The following UBR4 variants were observed in gnomAD, a reference collection of about 807,000 sequenced individuals.
The protein encoded by UBR4 is ubiquitin protein ligase E3 component n-recognin 4.
In UBR4, 124 loss-of-function variants were observed where a neutral mutation model predicts 575.6. The ratio of observed to expected loss-of-function variants is 0.22; its 90% confidence interval spans 0.19 to 0.25. The LOEUF (loss-of-function observed/expected upper bound fraction) is 0.25. UBR4 is among the 10% of genes least tolerant of loss of function. The pLI is 1.00. For synonymous variants in UBR4, 2,455 were observed against 2,473.7 expected, an observed-to-expected ratio of 0.99 and a Z score of 0.22; for missense variants, 4,818 against 6,478.8, an observed-to-expected ratio of 0.74 and a Z score of 8.80.
chr1:19,175,801 T>C (rs570255707), intron 20 of UBR4, among the ~76,000 whole-genome samples: 9 of 152,270 alleles, frequency 5.9e-5, no homozygotes, highest in African/African-American at 1.9e-4. Flanking sequence ...TTAGTTTTTA[T>C]GTTTTTTTTG....
chr1:19,171,994 C>T (rs535050150), intron 25 of UBR4, among the ~76,000 whole-genome samples: 18 of 152,292 alleles, frequency 1.2e-4, no homozygotes, highest in Admixed American at 9.2e-4. Context: ...GGAAGTCAGG[C>T]CCAGTTTTGC....
chr1:19,176,023 G>C (rs2090213133), intron 20 of UBR4, among the ~76,000 whole-genome samples: 1 of 152,008 alleles, frequency 6.6e-6, no homozygotes, highest in Non-Finnish European at 1.5e-5. Flanking sequence ...CTGGGTTCAA[G>C]CGATCTTCCC....
intron 102 of UBR4, among the ~76,000 whole-genome samples, chr1:19,083,447 A>G (rs2076714939): frequency 6.6e-6 from 1 of 152,262 alleles, no homozygotes; most frequent in Non-Finnish European, 1.5e-5. Flanking sequence ...CAACCTTTCA[A>G]CAGGGAACCG....
Position 19,176,638 on chromosome 1 carries a change from A to C in UBR4, c.2727T>G (p.His909Gln). The change falls in exon 20 of 106, where the codon CAT becomes CAG. Residue 909 changes from histidine to glutamine, a missense_variant. Physicochemically the swap from His to Gln is conservative, Grantham distance 24. Coordinates refer to ENST00000375254, the MANE Select transcript of UBR4 (RefSeq NM_020765.3). Reference protein sequence around the residue: ...NSRRATTPLYHGFKEVEENWS... With the variant: ...NSRRATTPLYQGFKEVEENWS... ...AGTTTTCTTCTACTTCTTTGAATCC[A>C]TGATAGAGAGGAGTGGTTGCCCGGC... 1 of 1,614,078 alleles carries C rather than the reference A, an allele frequency of 6.2e-7. No individual in the cohort carries two copies. Among genetic ancestry groups the C allele is most frequent in the African/African-American group, 1.3e-5 (1 of 75,056 alleles).
At chr1:19,102,868 T>C (rs774595457) in intron 87 of UBR4, among the ~76,000 whole-genome samples, 6 of 152,140 alleles carry the variant, frequency 3.9e-5, no homozygotes, top group Non-Finnish European at 7.4e-5. Context: ...ACTGAGGAAA[T>C]TGACTTTCCT....
At chr1:19,174,534 T>G in intron 21 of UBR4, 87 bp from the exon 22 acceptor site, 1 of 1,495,398 alleles carries the variant, frequency 6.7e-7, no homozygotes, top group South Asian at 1.2e-5. Context: ...TCCTCATGAT[T>G]GACAAAATAT....
chr1:19,098,073 AG>A (rs1310649602), intron 90 of UBR4, among the ~76,000 whole-genome samples: 4 of 152,346 alleles, frequency 2.6e-5, no homozygotes, highest in African/African-American at 9.6e-5. Flanking sequence ...GATGAAATCC[AG>A]TGGGGGATTT....
At position 19,104,263 on chromosome 1, in the gene UBR4, G is replaced by C; in HGVS notation, c.12728-6C>G. 1 of 1,613,786 alleles carries C rather than the reference G, an allele frequency of 6.2e-7. No homozygotes were observed. The highest frequency in any genetic ancestry group is 8.5e-7 in the Non-Finnish European group (1 of 1,179,724). On this transcript the variant is annotated splice_region_variant and splice_polypyrimidine_tract_variant and intron_variant, in intron 86 of 105. Coordinates refer to ENST00000375254, the MANE Select transcript of UBR4 (RefSeq NM_020765.3). ...AACAAAGGAGGAGAGAAGGCCTGTG[G>C]AGACAGGAAAATGTTGCTGTGAGAG...
intron 18 of UBR4, among the ~76,000 whole-genome samples, chr1:19,178,330 T>C (rs1033902275): frequency 6.6e-6 from 1 of 152,248 alleles, no homozygotes; most frequent in Non-Finnish European, 1.5e-5. Context: ...ACTGTTTCCA[T>C]TGCCTTTGGC....
intron 103 of UBR4, chr1:19,078,762 T>C (rs1457694737): frequency 1.3e-5 from 2 of 152,246 alleles, no homozygotes; most frequent in African/African-American, 4.8e-5. Context: ...GACCAGCCAG[T>C]TCCTTGGAAT....
chr1:19,145,200 A>T (rs911035629), intron 53 of UBR4, among the ~76,000 whole-genome samples: 1 of 152,244 alleles, frequency 6.6e-6, no homozygotes, highest in African/African-American at 2.4e-5. Flanking sequence ...GCAAGGAAAT[A>T]TGAAGAGGAA....
chr1:19,129,796 T>C (rs2149671542), intron 60 of UBR4, among the ~76,000 whole-genome samples: 1 of 152,328 alleles, frequency 6.6e-6, no homozygotes, highest in African/African-American at 2.4e-5. Flanking sequence ...TACTGACAAT[T>C]TGGTTGCTAG....
rs1218458221 is a variant in UBR4 at position 19,156,521 on chromosome 1, C to T, written c.5920-98G>A. The stretch of plus-strand genomic sequence containing the variant: ...ACGTTCCCTTTTTTCCTCTAATATC[C>T]CCTGCCTTCAGACAGTATTTAGACT... On this transcript the variant is annotated intron_variant, in intron 41 of 105. Transcript: ENST00000375254. The T allele has an allele frequency of 2.8e-6, 4 of 1,448,634 alleles. No individual in the cohort carries two copies. The African/African-American group carries it at 5.7e-5, about 21-fold the overall frequency. The allele number at this position is 1,448,634 out of a possible 1,614,324, so 89.7% of individuals were successfully genotyped here.
At chr1:19,118,705 T>C in intron 71 of UBR4, 167 bp downstream of exon 71, 2 of 651,970 alleles carry the variant, frequency 3.1e-6, no homozygotes, top group Non-Finnish European at 5.3e-6. Context: ...GAGTACCTTC[T>C]ATTTGCAAGA....
chr1:19,189,487 C>T (rs980368949), intron 11 of UBR4, among the ~76,000 whole-genome samples: 1 of 152,204 alleles, frequency 6.6e-6, no homozygotes, highest in Non-Finnish European at 1.5e-5. Flanking sequence ...CCATTAAAAA[C>T]TTAGACATTT....
In UBR4 at chr1:19,152,953, G is replaced by A. The variant is rs1013847018; in HGVS notation, c.6832+348C>T. Reference sequence around the variant, plus strand: ...TGCTAGACCACCAGCTCAGAGACCTGTGGTGGGCTCTTCACTACTCAGTGG... The same window carrying A: ...TGCTAGACCACCAGCTCAGAGACCTATGGTGGGCTCTTCACTACTCAGTGG... On this transcript the variant is annotated intron_variant, in intron 46 of 105. Coordinates refer to ENST00000375254, the MANE Select transcript of UBR4 (RefSeq NM_020765.3). This position sits in a 1 kb window ranked among gnomAD's most constrained non-coding sequence, Gnocchi z 4.4. Among the ~76,000 whole-genome samples, 4 of 152,210 alleles carry A rather than the reference G, an allele frequency of 2.6e-5. No homozygotes were observed. The highest frequency in any genetic ancestry group is 9.6e-5 in the African/African-American group (4 of 41,456).
chr1:19,169,764 T>C (rs2089201992), intron 26 of UBR4, among the ~76,000 whole-genome samples: 1 of 152,262 alleles, frequency 6.6e-6, no homozygotes, highest in Non-Finnish European at 1.5e-5. Context: ...CATGTTCACT[T>C]TCTAATCTTG....
intron 49 of UBR4, 147 bp from the exon 50 acceptor site, chr1:19,148,773 A>G: frequency 2.5e-6 from 2 of 805,924 alleles, no homozygotes; most frequent in Non-Finnish European, 4.0e-6. Context: ...TGCCACAGGC[A>G]CCATGCATAT....
At chr1:19,169,584 C>A in intron 26 of UBR4, 52 bp from the exon 27 acceptor site, 3 of 1,527,402 alleles carry the variant, frequency 2.0e-6, no homozygotes, top group Non-Finnish European at 2.7e-6. Flanking sequence ...AGGAACGACA[C>A]AGAGCATTTT....
Sources: allele counts gnomAD v4.1 joint callset (sites outside exome capture counted in the v4.1 genomes callset), GRCh38; gene constraint gnomAD v4.1.1; non-coding constraint Gnocchi (gnomAD v3.1); transcripts MANE v1.5; gene names NCBI Gene and HGNC (gene_info 2026-07-23, HGNC 2026-07-21).